Variants in SLC6A11 observed in about 807,000 individuals in gnomAD.
SLC6A11 encodes the protein sodium- and chloride-dependent GABA transporter 3.
SLC6A11 carries 25 observed loss-of-function variants against 74.8 expected under a neutral mutation model. The observed-to-expected ratio is 0.33, with a 90% CI of 0.24 to 0.47. The LOEUF (loss-of-function observed/expected upper bound fraction) is 0.47, where lower values mean the gene tolerates loss of function less well. Among genes scored for constraint, SLC6A11 ranks in the 20% least tolerant of loss-of-function variants. The pLI, the probability that SLC6A11 is intolerant of heterozygous loss-of-function variation, is 1.00. For missense variants in SLC6A11, 574 were observed against 837.0 expected (o/e 0.69, Z 3.88); for synonymous variants, 330 against 330.2 (o/e 1.00, Z 0.01).
At chr3:10,906,171 G>A (rs529320921) in intron 6 of SLC6A11, among the ~76,000 whole-genome samples, 20 of 151,936 alleles carry the variant, frequency 1.3e-4, no homozygotes, top group African/African-American at 4.3e-4. Context: ...CTGGGTATTC[G>A]TCTCTCACCT....
intron 4 of SLC6A11, among the ~76,000 whole-genome samples, chr3:10,840,937 A>G (rs1039780149): frequency 1.1e-4 from 16 of 152,174 alleles, no homozygotes; most frequent in Admixed American, 3.3e-4. Flanking sequence ...CCCATTTTAC[A>G]GATGAGGAAG....
chr3:10,874,441 A>G (rs1163611254), intron 5 of SLC6A11, among the ~76,000 whole-genome samples: 2 of 152,116 alleles, frequency 1.3e-5, no homozygotes, highest in East Asian at 3.9e-4. Context: ...TGCACCAGGA[A>G]GCCCTTCTTT....
chr3:10,873,991 CGCTATGCTATGCTATGCTAT>C (rs879605613), intron 5 of SLC6A11, among the ~76,000 whole-genome samples: 9 of 136,442 alleles, frequency 6.6e-5, no homozygotes, highest in Admixed American at 6.9e-5. Context: ...CGCTACGCTA[CGCTATGCTATGCTATGCTAT>C]GCTATACCAT....
At chr3:10,874,140 A>C (rs552781051) in intron 5 of SLC6A11, among the ~76,000 whole-genome samples, 1 of 152,262 alleles carries the variant, frequency 6.6e-6, no homozygotes. Flanking sequence ...GTATTGACCC[A>C]ACAGTGAATT....
In SLC6A11 at chr3:10,918,919, C is replaced by T. The variant is rs1356941485; in HGVS notation, c.1120+466C>T. 1.3e-5 allele frequency among the ~76,000 whole-genome samples: 2 copies of T among 152,056 alleles called. No homozygotes were observed. The highest frequency in any genetic ancestry group is 1.3e-4 in the Admixed American group (2 of 15,284). On this transcript the variant is annotated intron_variant, in intron 8 of 13. Transcript: ENST00000254488. The surrounding 1 kb of genome is among the most constrained non-coding windows in gnomAD (Gnocchi z 4.5). ...TCTCATAGTGCTGGACTCAGCGTGGCCACAAAGCCCTGTGTTGCCCGGCTC... is the reference window on the plus strand; with the variant it reads ...TCTCATAGTGCTGGACTCAGCGTGGTCACAAAGCCCTGTGTTGCCCGGCTC...
chr3:10,888,545 G>A (rs957415153), intron 6 of SLC6A11, among the ~76,000 whole-genome samples: 1 of 152,214 alleles, frequency 6.6e-6, no homozygotes, highest in Non-Finnish European at 1.5e-5. Flanking sequence ...AACACAGTAA[G>A]GAGACAGTGG....
intron 5 of SLC6A11, among the ~76,000 whole-genome samples, chr3:10,865,537 C>G (rs905656911): frequency 6.6e-6 from 1 of 152,194 alleles, no homozygotes; most frequent in Non-Finnish European, 1.5e-5. Context: ...GTAGCATGCA[C>G]CTGTAGTCCC....
At chr3:10,936,233 C>T (rs1175293767) in intron 13 of SLC6A11, among the ~76,000 whole-genome samples, 1 of 152,202 alleles carries the variant, frequency 6.6e-6, no homozygotes, top group African/African-American at 2.4e-5. Flanking sequence ...CTTTTTGTCT[C>T]CATGGATGAA....
intron 6 of SLC6A11, among the ~76,000 whole-genome samples, chr3:10,891,723 G>A (rs1296883412): frequency 6.6e-6 from 1 of 152,176 alleles, no homozygotes; most frequent in African/African-American, 2.4e-5. Flanking sequence ...GACCAGGACC[G>A]AGAACCTCCA....
chr3:10,932,979 G>A (rs1695710596), intron 10 of SLC6A11, among the ~76,000 whole-genome samples, 172 bp from the exon 11 acceptor site: 1 of 152,262 alleles, frequency 6.6e-6, no homozygotes, highest in African/African-American at 2.4e-5. Context: ...GAATTAGGGG[G>A]CTCCCAGATG....
chr3:10,821,902 G>A (rs573980650), intron 3 of SLC6A11, among the ~76,000 whole-genome samples: 1 of 152,248 alleles, frequency 6.6e-6, no homozygotes, highest in East Asian at 1.9e-4. Flanking sequence ...AAAAGGCACA[G>A]GACACATTCA....
rs1257519379 is a variant in SLC6A11, at chr3:10,939,252, C to G, written c.*850C>G. Reference sequence around the variant, plus strand: ...GTTTTCCCTAAAACTCTAATTTCATCTCATCTGTGGGCAGCCCTGCTCTCT... The same window carrying G: ...GTTTTCCCTAAAACTCTAATTTCATGTCATCTGTGGGCAGCCCTGCTCTCT... On this transcript the variant is annotated 3_prime_UTR_variant, in exon 14 of 14. Transcript: ENST00000254488. 1 of 152,218 alleles carries G rather than the reference C, an allele frequency of 6.6e-6. No individual in the cohort carries two copies. Among genetic ancestry groups the G allele is most frequent in the East Asian group, 1.9e-4 (1 of 5,194 alleles). The allele number at this position is 152,218 out of a possible 1,614,324, so 9.4% of individuals were successfully genotyped here.
intron 4 of SLC6A11, among the ~76,000 whole-genome samples, chr3:10,830,961 C>T (rs1694288712): frequency 6.6e-6 from 1 of 152,168 alleles, no homozygotes; most frequent in Admixed American, 6.5e-5. Context: ...GAGGTGGAAG[C>T]TGGGTGGTGG....
chr3:10,864,722 G>A (rs533355281), intron 5 of SLC6A11, among the ~76,000 whole-genome samples: 23 of 152,176 alleles, frequency 1.5e-4, no homozygotes, highest in Non-Finnish European at 2.1e-4. Context: ...CCCATCAGCC[G>A]CCACAGTTAG....
intron 10 of SLC6A11, among the ~76,000 whole-genome samples, chr3:10,930,778 C>G (rs543722213): frequency 1.3e-5 from 2 of 152,108 alleles, no homozygotes; most frequent in Non-Finnish European, 2.9e-5. Flanking sequence ...CCCAGCTCAC[C>G]GAGTCTCTGA....
intron 13 of SLC6A11, among the ~76,000 whole-genome samples, chr3:10,937,047 G>A (rs1332726214): frequency 3.9e-5 from 6 of 152,202 alleles, no homozygotes; most frequent in Non-Finnish European, 8.8e-5. Flanking sequence ...CAAAGCTGCT[G>A]CTGGGGGACG....
intron 6 of SLC6A11, among the ~76,000 whole-genome samples, chr3:10,886,396 G>T (rs745595722): frequency 3.4e-4 from 52 of 152,166 alleles, no homozygotes; most frequent in Non-Finnish European, 6.6e-4. Flanking sequence ...CAATTCTGTT[G>T]CAGGGCTCTG....
At chr3:10,913,250 G>A (rs1394144815) in intron 7 of SLC6A11, among the ~76,000 whole-genome samples, 6 of 152,132 alleles carry the variant, frequency 3.9e-5, no homozygotes, top group Admixed American at 3.3e-4. Context: ...GGGAAAAGAT[G>A]TAGAAAACAT....
chr3:10,930,854 A>G (rs1575708243), intron 10 of SLC6A11, among the ~76,000 whole-genome samples: 2 of 152,112 alleles, frequency 1.3e-5, no homozygotes, highest in South Asian at 4.2e-4. Flanking sequence ...AGAGGCCATC[A>G]GGGAGCCAGC....
Sources: gnomAD v4.1 joint callset for allele counts (sites outside exome capture counted in the v4.1 genomes callset) on GRCh38, gnomAD v4.1.1 for gene constraint, Gnocchi (gnomAD v3.1) non-coding constraint, MANE v1.5 for transcripts, NCBI Gene and HGNC (gene_info 2026-07-23, HGNC 2026-07-21) for gene names.